The following ARB2A variants were observed in gnomAD, a reference collection of about 807,000 sequenced individuals.
ARB2A encodes ARB2 cotranscriptional regulator A.
the ARB2A span, among the ~76,000 whole-genome samples, chr5:93,999,433 A>G: frequency 6.6e-6 from 1 of 152,060 alleles, no homozygotes; most frequent in Admixed American, 6.6e-5. Flanking sequence ...TTATTAAATA[A>G]CAGAACCCAT....
At chr5:94,006,381 G>A in the ARB2A span, among the ~76,000 whole-genome samples, 7 of 152,170 alleles carry the variant, frequency 4.6e-5, no homozygotes, top group African/African-American at 1.7e-4. Context: ...GGGGAGGGTT[G>A]GGACAGGCAG....
the ARB2A span, among the ~76,000 whole-genome samples, chr5:93,867,207 T>A: frequency 6.6e-6 from 1 of 152,202 alleles, no homozygotes; most frequent in Non-Finnish European, 1.5e-5. Context: ...ATATTATTAT[T>A]GCTATGACAG....
the ARB2A span, among the ~76,000 whole-genome samples, chr5:93,791,600 T>C: frequency 6.6e-6 from 1 of 152,354 alleles, no homozygotes; most frequent in African/African-American, 2.4e-5. Flanking sequence ...ATCTCCACTG[T>C]AGCAACAGGA....
At chr5:93,807,614 A>G in the ARB2A span, among the ~76,000 whole-genome samples, 1 of 151,942 alleles carries the variant, frequency 6.6e-6, no homozygotes, top group African/African-American at 2.4e-5. Context: ...ACCTATTGCA[A>G]ACACCAGTAA....
the ARB2A span, among the ~76,000 whole-genome samples, chr5:93,758,004 A>G: frequency 6.6e-6 from 1 of 152,072 alleles, no homozygotes; most frequent in African/African-American, 2.4e-5. Flanking sequence ...CTGGAGACCC[A>G]CCTAACACAT....
chr5:93,686,610 TG>T, the ARB2A span, among the ~76,000 whole-genome samples: 1 of 152,240 alleles, frequency 6.6e-6, no homozygotes, highest in Non-Finnish European at 1.5e-5. Context: ...CAACCTTTGC[TG>T]GAAGATCATG....
the ARB2A span, among the ~76,000 whole-genome samples, chr5:94,042,451 G>A: frequency 5.3e-5 from 8 of 151,102 alleles, no homozygotes; most frequent in Non-Finnish European, 1.0e-4. Flanking sequence ...GATTACAGGC[G>A]CCCGCCACCA....
chr5:93,918,472 C>T, the ARB2A span, among the ~76,000 whole-genome samples: 2 of 127,676 alleles, frequency 1.6e-5, no homozygotes, highest in African/African-American at 6.0e-5. Flanking sequence ...CTTGCTCTGT[C>T]GTGCAATGGT....
At chr5:93,893,627 T>A in the ARB2A span, among the ~76,000 whole-genome samples, 1 of 152,208 alleles carries the variant, frequency 6.6e-6, no homozygotes, top group Non-Finnish European at 1.5e-5. Flanking sequence ...TAAGTGATTA[T>A]AATAATTAGG....
At chr5:93,711,993 G>A in the ARB2A span, among the ~76,000 whole-genome samples, 1 of 152,232 alleles carries the variant, frequency 6.6e-6, no homozygotes, top group Non-Finnish European at 1.5e-5. Flanking sequence ...GAGGCTGAGA[G>A]ACTAGATGAA....
the ARB2A span, among the ~76,000 whole-genome samples, chr5:93,997,161 T>C: frequency 6.6e-6 from 1 of 152,048 alleles, no homozygotes; most frequent in South Asian, 2.1e-4. Flanking sequence ...CAGTTATCAA[T>C]ATGCTATGAT....
chr5:93,997,178 T>C, the ARB2A span, among the ~76,000 whole-genome samples: 5 of 152,040 alleles, frequency 3.3e-5, no homozygotes, highest in Non-Finnish European at 5.9e-5. Context: ...TGATTTTCAT[T>C]AATATTTCCA....
the ARB2A span, among the ~76,000 whole-genome samples, chr5:93,636,131 C>G: frequency 3.9e-5 from 6 of 152,168 alleles, no homozygotes; most frequent in African/African-American, 1.4e-4. Flanking sequence ...TCTGTATGCA[C>G]AGCATAATTC....
chr5:93,924,822 T>A, the ARB2A span, among the ~76,000 whole-genome samples: 1 of 152,152 alleles, frequency 6.6e-6, no homozygotes, highest in African/African-American at 2.4e-5. Context: ...AAGTATTACA[T>A]AATATAGGCT....
chr5:93,805,630 A>T, the ARB2A span: 1 of 985,032 alleles, frequency 1.0e-6, no homozygotes, highest in Non-Finnish European at 1.2e-6. Context: ...CATTTCTCCA[A>T]TTTGGGTCCA....
At chr5:94,062,980 C>T in the ARB2A span, among the ~76,000 whole-genome samples, 2 of 152,250 alleles carry the variant, frequency 1.3e-5, no homozygotes, top group Non-Finnish European at 2.9e-5. Context: ...GGCCAAAGCA[C>T]AAGCAAAGCA....
the ARB2A span, among the ~76,000 whole-genome samples, chr5:93,857,801 G>A: frequency 6.6e-6 from 1 of 152,112 alleles, no homozygotes; most frequent in Non-Finnish European, 1.5e-5. Context: ...ACTGTCCTGC[G>A]CCCACGGTCT....
chr5:93,671,932 GGTAA>G, the ARB2A span, among the ~76,000 whole-genome samples: 4 of 152,264 alleles, frequency 2.6e-5, no homozygotes, highest in South Asian at 4.1e-4. Flanking sequence ...GGAAAGAACT[GGTAA>G]GTAAGTAAGC....
chr5:93,698,578 GGTA>G, the ARB2A span, among the ~76,000 whole-genome samples: 1 of 151,946 alleles, frequency 6.6e-6, no homozygotes, highest in Non-Finnish European at 1.5e-5. Flanking sequence ...GTTATCTAAG[GGTA>G]GTTCATTCTA....
Sources: gnomAD v4.1 joint callset for allele counts (sites outside exome capture counted in the v4.1 genomes callset) on GRCh38, gnomAD v4.1.1 for gene constraint, MANE v1.5 for transcripts, NCBI Gene and HGNC (gene_info 2026-07-23, HGNC 2026-07-21) for gene names.